The following AHI1 variants were observed in gnomAD, a reference collection of about 807,000 sequenced individuals.
AHI1 encodes Abelson helper integration site 1.
AHI1 carries 123 observed loss-of-function variants against 149.3 expected under a neutral mutation model. The ratio of observed to expected loss-of-function variants is 0.82; its 90% CI spans 0.71 to 0.96. AHI1 has a LOEUF of 0.96. Ranked by LOEUF, AHI1 falls within the 40% of genes least tolerant of loss-of-function variation. The probability of loss-of-function intolerance (pLI) is 0.00; values close to 1 mark genes in which losing one functional copy is unlikely to be tolerated. For missense variants in AHI1, 1,439 were observed against 1,422.7 expected (o/e 1.01, Z -0.18); for synonymous variants, 475 against 459.8 (o/e 1.03, Z -0.42).
chr6:135,352,476 T>C (rs1157790489), intron 24 of AHI1, among the ~76,000 whole-genome samples: 3 of 152,126 alleles, frequency 2.0e-5, no homozygotes, highest in Non-Finnish European at 4.4e-5. Context: ...GGTTTAGCAC[T>C]TGCCGACTCT....
intron 7 of AHI1, 95 bp downstream of exon 7, chr6:135,465,719 A>C: frequency 9.4e-7 from 1 of 1,064,222 alleles, no homozygotes. Context: ...TAAAAGCGTA[A>C]GAATTTTCTT....
chr6:135,382,668 T>C (rs939100791), intron 23 of AHI1, among the ~76,000 whole-genome samples: 6 of 152,006 alleles, frequency 3.9e-5, no homozygotes, highest in Non-Finnish European at 7.4e-5. Flanking sequence ...TCCTTCTGAA[T>C]TTCCAGAGCT....
At position 135,380,743 on chromosome 6, in the gene AHI1, C is replaced by CG. The variant is rs1207754664; in HGVS notation, c.3109+14032_3109+14033insC. On this transcript the variant is annotated intron_variant, in intron 23 of 28. Coordinates refer to ENST00000265602, the MANE Select transcript of AHI1 (RefSeq NM_001134831.2). ...TTTAAGTAAAATAACCCCCCCCCCC[C>CG]CAAAAAAAAAGTACAAAGTTAAAAC... Among the ~76,000 whole-genome samples the CG allele has an allele frequency of 4.6e-4, 55 of 120,676 alleles. 2 individuals carry two copies. Among genetic ancestry groups the CG allele is most frequent in the African/African-American group, 1.3e-3 (34 of 25,816 alleles). 79.2% of individuals were successfully genotyped at this position (120,676 alleles called of 152,430 possible). A position where few individuals can be genotyped will look rare whatever the true frequency, so the allele number is the denominator to read the frequency against.
intron 26 of AHI1, among the ~76,000 whole-genome samples, chr6:135,304,703 G>A (rs940088982): frequency 9.9e-5 from 15 of 152,146 alleles, no homozygotes; most frequent in Admixed American, 3.9e-4. Context: ...CCCAGGAGGC[G>A]GAGGTTGCAG....
intron 23 of AHI1, among the ~76,000 whole-genome samples, chr6:135,362,661 C>T (rs1185594827): frequency 6.6e-6 from 1 of 152,044 alleles, no homozygotes; most frequent in Non-Finnish European, 1.5e-5. Flanking sequence ...TGTATATCTT[C>T]TTTTGACAAC....
chr6:135,439,641 G>A (rs1554345273), intron 14 of AHI1, among the ~76,000 whole-genome samples: 1 of 152,194 alleles, frequency 6.6e-6, no homozygotes, highest in Non-Finnish European at 1.5e-5. Flanking sequence ...TGTGAAGAAC[G>A]AAAAAGAGGT....
intron 21 of AHI1, among the ~76,000 whole-genome samples, 196 bp downstream of exon 21, chr6:135,411,152 T>C (rs1276582262): frequency 1.3e-5 from 2 of 152,190 alleles, no homozygotes; most frequent in Non-Finnish European, 2.9e-5. Context: ...CAGAACAGCA[T>C]GATAGATTAT....
intron 27 of AHI1, 127 bp downstream of exon 27, chr6:135,300,373 T>C: frequency 1.8e-6 from 2 of 1,110,914 alleles, no homozygotes; most frequent in Non-Finnish European, 2.4e-6. Flanking sequence ...TAAACTCCTT[T>C]AAAATCAACT....
chr6:135,388,929 T>C (rs1778013871), intron 23 of AHI1, among the ~76,000 whole-genome samples: 1 of 151,024 alleles, frequency 6.6e-6, no homozygotes, highest in African/African-American at 2.4e-5. Context: ...CGAGTATCAC[T>C]GGAATCTGAG....
intron 23 of AHI1, among the ~76,000 whole-genome samples, chr6:135,380,098 T>C (rs1776519026): frequency 6.6e-6 from 1 of 150,964 alleles, no homozygotes; most frequent in African/African-American, 2.4e-5. Context: ...TCAGCTACTT[T>C]GTGAAGCTTT....
intron 20 of AHI1, among the ~76,000 whole-genome samples, chr6:135,417,259 AT>A (rs1350079205): frequency 1.3e-5 from 2 of 152,010 alleles, no homozygotes; most frequent in African/African-American, 4.8e-5. Flanking sequence ...ATTTAATGAC[AT>A]TTTTTAACTC....
chr6:135,494,377 G>A (rs1795682496), intron 3 of AHI1, among the ~76,000 whole-genome samples: 1 of 152,186 alleles, frequency 6.6e-6, no homozygotes, highest in South Asian at 2.1e-4. Context: ...TATGGGTCAT[G>A]TTGAGTTGGG....
chr6:135,450,861 C>T (rs1787982812), intron 11 of AHI1, among the ~76,000 whole-genome samples: 1 of 152,032 alleles, frequency 6.6e-6, no homozygotes, highest in Non-Finnish European at 1.5e-5. Context: ...ACTGAAAGTA[C>T]CTGAGAATCT....
At chr6:135,448,169 C>A in intron 12 of AHI1, 121 bp downstream of exon 12, 1 of 621,718 alleles carries the variant, frequency 1.6e-6, no homozygotes. Flanking sequence ...TAATATATAA[C>A]CCCAGAAATC....
At chr6:135,358,647 CTAT>C in intron 23 of AHI1, among the ~76,000 whole-genome samples, 1 of 152,194 alleles carries the variant, frequency 6.6e-6, no homozygotes, top group Admixed American at 6.5e-5. Flanking sequence ...TGACTTCCTA[CTAT>C]GACATACTCT....
At position 135,447,094 on chromosome 6, in the gene AHI1, G is replaced by A. The variant is rs763970632; in HGVS notation, c.1693C>T (p.Arg565Cys). The change falls in exon 13 of 29, where the codon CGT (arginine) becomes TGT (cysteine). Residue 565 changes from arginine to cysteine, a missense_variant. Transcript: ENST00000265602. ...TCTACTGAGCTTGACTCATGGTGACGTTCACAATGCACTGGTTTACCTTTT... is the reference window on the plus strand; with the variant it reads ...TCTACTGAGCTTGACTCATGGTGACATTCACAATGCACTGGTTTACCTTTT... ...EEKGKPVHCE[R>C]HHESSSVDTE... The A allele has an allele frequency of 1.8e-5, 29 of 1,612,740 alleles. No homozygotes were observed. Among genetic ancestry groups the A allele is most frequent in the Non-Finnish European group, 2.1e-5 (25 of 1,179,132 alleles).
chr6:135,440,137 G>T (rs1310133967), intron 14 of AHI1, among the ~76,000 whole-genome samples: 5 of 152,044 alleles, frequency 3.3e-5, no homozygotes, highest in Non-Finnish European at 1.5e-5. Flanking sequence ...GACTGGTTGG[G>T]GCAGAACAGG....
At position 135,494,186 on chromosome 6, in the gene AHI1, T is replaced by A. The variant is rs573062492; in HGVS notation, c.-55+1628A>T. On this transcript the variant is annotated intron_variant, in intron 3 of 28. Coordinates refer to ENST00000265602, the MANE Select transcript of AHI1 (RefSeq NM_001134831.2). Reference sequence around the variant, plus strand: ...TAGTTTAAAATCCATGTCCTAGAATTAGTTTCCATAGTCACTTGCGTGACT... The same window carrying A: ...TAGTTTAAAATCCATGTCCTAGAATAAGTTTCCATAGTCACTTGCGTGACT... 1.5e-4 allele frequency among the ~76,000 whole-genome samples: 23 copies of A among 152,342 alleles called. No homozygotes were observed. In the South Asian group the frequency reaches 4.6e-3, roughly 30 times the overall value.
At chr6:135,475,952 CTG>C (rs1316576733) in intron 5 of AHI1, among the ~76,000 whole-genome samples, 9 of 152,172 alleles carry the variant, frequency 5.9e-5, no homozygotes, top group African/African-American at 1.9e-4. Context: ...TTTGGATTTA[CTG>C]AAGGTTTTCT....
Sources: allele counts gnomAD v4.1 joint callset (sites outside exome capture counted in the v4.1 genomes callset), GRCh38; gene constraint gnomAD v4.1.1; transcripts MANE v1.5; gene names NCBI Gene and HGNC (gene_info 2026-07-23, HGNC 2026-07-21).